DPY19L3: variants seen among roughly 807,000 people sequenced by gnomAD.
The protein encoded by DPY19L3 is dpy-19 like C-mannosyltransferase 3, also known as protein C-mannosyl-transferase DPY19L3.
DPY19L3 carries 51 observed loss-of-function variants against 92.3 expected under a neutral mutation model. The ratio of observed to expected loss-of-function variants is 0.55; its 90% CI spans 0.44 to 0.70. The LOEUF (loss-of-function observed/expected upper bound fraction) is 0.70, where lower values mean the gene tolerates loss of function less well. Among genes scored for constraint, DPY19L3 ranks in the 30% least tolerant of loss-of-function variants. DPY19L3 has a pLI of 0.00. For synonymous variants in DPY19L3, 309 were observed against 315.2 expected, an observed-to-expected ratio of 0.98 and a Z score of 0.21; for missense variants, 706 against 855.9, an observed-to-expected ratio of 0.82 and a Z score of 2.18.
At chr19:32,439,022 C>A in intron 6 of DPY19L3, 90 bp from the exon 7 acceptor site, 2 of 1,411,418 alleles carry the variant, frequency 1.4e-6, no homozygotes, top group Non-Finnish European at 9.7e-7. Flanking sequence ...TATACTTGTC[C>A]TTAATGTAAT....
At chr19:32,474,467 T>G (rs1248683529) in intron 16 of DPY19L3, among the ~76,000 whole-genome samples, 1 of 152,272 alleles carries the variant, frequency 6.6e-6, no homozygotes, top group Non-Finnish European at 1.5e-5. Flanking sequence ...CTTCAGTGAC[T>G]GCTGTTTCAT....
At position 32,439,163 on chromosome 19, in the gene DPY19L3, G is replaced by A. The variant is rs6510249; in HGVS notation, c.648G>A (p.Ala216=). The change falls in exon 7 of 19, where the codon GCG becomes GCA. Residue 216 remains alanine, a synonymous_variant. Coordinates refer to ENST00000392250, the MANE Select transcript of DPY19L3 (RefSeq NM_001172774.2). The part of the protein sequence containing the change: ...EFTIPLRENW[A]LPFFAIQIAA... The stretch of plus-strand genomic sequence containing the variant: ...CCATCCCACTGAGGGAGAACTGGGC[G>A]CTGCCATTCTTTGCAATTCAGATAG... 0.6 allele frequency: 973,406 copies of A among 1,612,196 alleles called. 296,785 individuals carry two copies. Among genetic ancestry groups the A allele is most frequent in the East Asian group, 0.63 (28,065 of 44,838 alleles).
intron 6 of DPY19L3, among the ~76,000 whole-genome samples, chr19:32,437,617 G>A (rs1005055088): frequency 6.6e-6 from 1 of 152,064 alleles, no homozygotes; most frequent in Non-Finnish European, 1.5e-5. Context: ...GGGTGATCAA[G>A]ATTTCTCCAG....
At chr19:32,443,544 G>A (rs1243903392) in intron 8 of DPY19L3, among the ~76,000 whole-genome samples, 3 of 152,112 alleles carry the variant, frequency 2.0e-5, no homozygotes, top group African/African-American at 7.2e-5. Flanking sequence ...CAGGAAATAA[G>A]CCCTCACCAG....
intron 3 of DPY19L3, among the ~76,000 whole-genome samples, chr19:32,421,627 CAAAAAAAAA>C (rs869206912): frequency 1.7e-5 from 1 of 58,780 alleles, no homozygotes; most frequent in Non-Finnish European, 3.5e-5. Context: ...GACTTCATCT[CAAAAAAAAA>C]AAAAAAAAAA....
intron 13 of DPY19L3, 83 bp downstream of exon 13, chr19:32,463,571 C>T (rs1369869711): frequency 6.9e-7 from 1 of 1,449,338 alleles, no homozygotes; most frequent in Non-Finnish European, 9.4e-7. Flanking sequence ...AAGTGACAAT[C>T]ATCTTCATTA....
chr19:32,454,632 T>C (rs1357775505), intron 9 of DPY19L3, among the ~76,000 whole-genome samples: 1 of 152,082 alleles, frequency 6.6e-6, no homozygotes, highest in Non-Finnish European at 1.5e-5. Context: ...GTATCCTGAG[T>C]ACCTTCCAAA....
chr19:32,458,049 A>C, intron 10 of DPY19L3, 51 bp from the exon 11 acceptor site: 1 of 1,396,248 alleles, frequency 7.2e-7, no homozygotes, highest in Non-Finnish European at 1.0e-6. Context: ...GTTATCAGGA[A>C]ACCGTGCCTA....
At chr19:32,445,440 C>CGAAAAAAA (rs1969462118) in intron 8 of DPY19L3, among the ~76,000 whole-genome samples, 1 of 42,824 alleles carries the variant, frequency 2.3e-5, no homozygotes, top group Non-Finnish European at 3.7e-5. Context: ...GACTTCATCT[C>CGAAAAAAA]AAAAAAAAAA....
At position 32,464,500 on chromosome 19, in the gene DPY19L3, A is replaced by T. The variant is rs7252536; in HGVS notation, c.1558-228A>T. Among the ~76,000 whole-genome samples, 134,826 of 152,110 alleles carry T rather than the reference A, an allele frequency of 0.89. 60,024 individuals are homozygous for T. Among genetic ancestry groups the T allele is most frequent in the African/African-American group, 0.97 (40,362 of 41,528 alleles). On this transcript the variant is annotated intron_variant, in intron 14 of 18. Coordinates refer to ENST00000392250, the MANE Select transcript of DPY19L3 (RefSeq NM_001172774.2). ...GCTCCATTAAATTATATTTCTGGTA[A>T]TTTTTTAAGGCATATATTTACAAAG...
intron 3 of DPY19L3, among the ~76,000 whole-genome samples, chr19:32,417,407 C>T (rs1422085435): frequency 6.6e-6 from 1 of 152,212 alleles, no homozygotes; most frequent in Non-Finnish European, 1.5e-5. Context: ...GCAGCCTCCG[C>T]CTCCTGAGTT....
chr19:32,453,331 T>C, intron 9 of DPY19L3, 55 bp downstream of exon 9: 1 of 1,506,454 alleles, frequency 6.6e-7, no homozygotes, highest in Non-Finnish European at 8.9e-7. Context: ...ATTGCGTGGT[T>C]TATTGAACCT....
chr19:32,408,263 A>C lies in DPY19L3; in HGVS notation c.10A>C (p.Ile4Leu), dbSNP rs375042614. The C allele has an allele frequency of 2.2e-5, 35 of 1,612,510 alleles. No homozygotes were observed. Among genetic ancestry groups the C allele is most frequent in the Non-Finnish European group, 2.8e-5 (33 of 1,179,700 alleles). Reference protein sequence around the residue: MMSIRQRREIRATE... With the variant: MMSLRQRREIRATE... ...ATGTAAGTCTGACATCATGATGTCC[A>C]TCCGGCAAAGAAGAGAAATAAGAGC... is the stretch of plus-strand genomic sequence containing the variant. Residue 4 changes from isoleucine to leucine, a missense_variant, in exon 2 of 19, where the codon ATC (isoleucine) becomes CTC (leucine). Ile to Leu is a conservative substitution (Grantham distance 5, BLOSUM62 2). Coordinates refer to ENST00000392250, the MANE Select transcript of DPY19L3 (RefSeq NM_001172774.2).
chr19:32,454,768 A>G (rs986505237), intron 9 of DPY19L3, among the ~76,000 whole-genome samples, 171 bp from the exon 10 acceptor site: 1 of 152,182 alleles, frequency 6.6e-6, no homozygotes, highest in African/African-American at 2.4e-5. Context: ...GAAAATCACA[A>G]ATATTAAGAC....
chr19:32,432,304 T>C (rs1022488836), intron 3 of DPY19L3, among the ~76,000 whole-genome samples: 31 of 152,204 alleles, frequency 2.0e-4, no homozygotes, highest in Admixed American at 1.4e-3. Context: ...GTCTGCCTTA[T>C]TTGACTACAA....
intron 8 of DPY19L3, among the ~76,000 whole-genome samples, chr19:32,450,771 T>A (rs1969674746): frequency 6.6e-6 from 1 of 152,158 alleles, no homozygotes; most frequent in Non-Finnish European, 1.5e-5. Flanking sequence ...GAGAATGTCA[T>A]AAAATTAGAC....
At chr19:32,445,440 C>CCAAAAAAAAAAA (rs1969462118) in intron 8 of DPY19L3, among the ~76,000 whole-genome samples, 1 of 42,824 alleles carries the variant, frequency 2.3e-5, no homozygotes, top group African/African-American at 1.1e-4. Context: ...GACTTCATCT[C>CCAAAAAAAAAAA]AAAAAAAAAA....
chr19:32,448,549 C>G (rs1969593205), intron 8 of DPY19L3, among the ~76,000 whole-genome samples: 1 of 152,054 alleles, frequency 6.6e-6, no homozygotes, highest in Non-Finnish European at 1.5e-5. Context: ...ATACTATATT[C>G]TTATTATAAA....
At chr19:32,456,657 C>T (rs1969875561) in intron 10 of DPY19L3, among the ~76,000 whole-genome samples, 1 of 152,022 alleles carries the variant, frequency 6.6e-6, no homozygotes, top group Non-Finnish European at 1.5e-5. Flanking sequence ...TGGTCTCAAA[C>T]ACCTGGGCTC....
Sources: allele counts gnomAD v4.1 joint callset (sites outside exome capture counted in the v4.1 genomes callset), GRCh38; gene constraint gnomAD v4.1.1; transcripts MANE v1.5; gene names NCBI Gene and HGNC (gene_info 2026-07-23, HGNC 2026-07-21).